Variants in POU2F1 observed in about 807,000 individuals in gnomAD.
POU2F1 encodes the protein POU domain, class 2, transcription factor 1.
In POU2F1, 16 loss-of-function variants were observed where a neutral mutation model predicts 84.9. The ratio of observed to expected loss-of-function variants is 0.19; its 90% CI spans 0.13 to 0.29. The LOEUF (loss-of-function observed/expected upper bound fraction) is 0.29. Among genes scored for constraint, POU2F1 ranks in the 10% least tolerant of loss-of-function variants. The probability of loss-of-function intolerance (pLI) is 1.00; values close to 1 mark genes in which losing one functional copy is unlikely to be tolerated. For missense variants in POU2F1, 738 were observed against 942.6 expected (o/e 0.78, Z 2.84); for synonymous variants, 368 against 368.3 (o/e 1.00, Z 0.01).
intron 9 of POU2F1, among the ~76,000 whole-genome samples, chr1:167,391,182 C>G (rs73026272): frequency 1.3e-5 from 2 of 152,104 alleles, no homozygotes; most frequent in Admixed American, 1.3e-4. Flanking sequence ...TCAATCAACC[C>G]TCCCGCCTTG....
chr1:167,384,058 C>G (rs111503970), intron 8 of POU2F1, 107 bp downstream of exon 8: 1 of 884,500 alleles, frequency 1.1e-6, no homozygotes, highest in African/African-American at 1.7e-5. Context: ...ATTCGGTCTT[C>G]GAAAACTGAC....
At chr1:167,343,863 G>A (rs73022279) in intron 2 of POU2F1, among the ~76,000 whole-genome samples, 13,382 of 151,654 alleles carry the variant, frequency 0.088, 1,888 homozygotes, top group African/African-American at 0.3. Context: ...GGTGCTTGCA[G>A]GTGAAGATGT....
chr1:167,234,714 A>G (rs931171555), intron 1 of POU2F1, among the ~76,000 whole-genome samples: 1 of 152,220 alleles, frequency 6.6e-6, no homozygotes, highest in African/African-American at 2.4e-5. Context: ...AGCCAGGATG[A>G]CAGAGCAATA....
intron 7 of POU2F1, 154 bp from the exon 8 acceptor site, chr1:167,383,703 T>A: frequency 1.7e-6 from 1 of 604,594 alleles, no homozygotes. Flanking sequence ...CAAGATTGAA[T>A]GTAAGGCAAA....
chr1:167,271,842 A>G (rs1208577633), intron 1 of POU2F1, among the ~76,000 whole-genome samples: 5 of 152,222 alleles, frequency 3.3e-5, no homozygotes, highest in Non-Finnish European at 7.3e-5. Context: ...CTGTTTTTGT[A>G]TGGCCCTTGA....
chr1:167,224,823 TTC>T (rs1557828232), intron 1 of POU2F1, among the ~76,000 whole-genome samples: 1 of 142,174 alleles, frequency 7.0e-6, no homozygotes, highest in African/African-American at 2.7e-5. Context: ...TGTCACTGTC[TTC>T]TTTTTTTTTT....
chr1:167,395,375 A>G (rs535340076), intron 9 of POU2F1, among the ~76,000 whole-genome samples: 38 of 152,184 alleles, frequency 2.5e-4, no homozygotes, highest in Non-Finnish European at 5.3e-4. Context: ...GTCTTTTAGA[A>G]TACCTGTTTT....
intron 2 of POU2F1, among the ~76,000 whole-genome samples, chr1:167,353,149 G>A (rs1658692207): frequency 6.6e-6 from 1 of 152,176 alleles, no homozygotes; most frequent in Non-Finnish European, 1.5e-5. Flanking sequence ...TGTCACTGGT[G>A]CTAACCTTGG....
At position 167,413,052 on chromosome 1, in the gene POU2F1, G is replaced by A. The variant is rs1225005046; in HGVS notation, c.1928G>A (p.Gly643Glu). The change falls in exon 15 of 16, where the codon GGG becomes GAG. Residue 643 changes from glycine (G) to glutamate (E), a missense_variant. By Grantham distance (98) the Gly-to-Glu change is moderately conservative. Transcript: ENST00000367866. ...AGGALLSLNP[G>E]TLSGALSPAL... The stretch of plus-strand genomic sequence containing the variant: ...GGTGCCTTACTCAGTCTGAATCCAG[G>A]GACCCTGAGCGGTGCTCTCAGCCCA... The A allele has an allele frequency of 6.2e-7, 1 of 1,614,084 alleles. No individual in the cohort carries two copies. The highest frequency in any genetic ancestry group is 1.7e-5 in the Admixed American group (1 of 60,008).
Position 167,421,249 on chromosome 1 carries a change from A to G in POU2F1, c.*5439A>G, listed in dbSNP as rs184029390. ...AAGAATAACTGAGATCAGCTATTATATAGGTTTGCATGGATGGTGTCCACA... is the reference window on the plus strand; with the variant it reads ...AAGAATAACTGAGATCAGCTATTATGTAGGTTTGCATGGATGGTGTCCACA... On this transcript the variant is annotated 3_prime_UTR_variant, in exon 16 of 16. Coordinates refer to ENST00000367866, the MANE Select transcript of POU2F1 (RefSeq NM_002697.4). 6.6e-6 allele frequency: 1 copy of G among 152,348 alleles called. No individual in the cohort carries two copies. The highest frequency in any genetic ancestry group is 2.4e-5 in the African/African-American group (1 of 41,570). 9.4% of individuals were successfully genotyped at this position (152,348 alleles called of 1,614,324 possible).
In POU2F1 at chr1:167,229,760, G is replaced by T. The variant is rs149291721; in HGVS notation, c.61+8802G>T. On this transcript the variant is annotated intron_variant, in intron 1 of 15. Coordinates refer to ENST00000367866, the MANE Select transcript of POU2F1 (RefSeq NM_002697.4). ...GAAGCTTTAGCAGCCGATGGATTCT[G>T]TGGGGCACCTGACTGTAGGTTGTTC... Among the ~76,000 whole-genome samples, 774 of 152,314 alleles carry T rather than the reference G, an allele frequency of 5.1e-3. 5 individuals are homozygous for T. Among genetic ancestry groups the T allele is most frequent in the African/African-American group, 0.016 (651 of 41,570 alleles).
chr1:167,250,710 G>A (rs1042872126), intron 1 of POU2F1, among the ~76,000 whole-genome samples: 1 of 152,146 alleles, frequency 6.6e-6, no homozygotes. Flanking sequence ...TCTAAAAGTG[G>A]TTTCTAGTAA....
intron 5 of POU2F1, among the ~76,000 whole-genome samples, chr1:167,373,837 G>A (rs1394621103): frequency 7.0e-6 from 1 of 143,752 alleles, no homozygotes; most frequent in Non-Finnish European, 1.5e-5. Context: ...TTTTTTTCTT[G>A]CTTACTAGTT....
chr1:167,420,166 G>A lies in POU2F1; in HGVS notation c.*4356G>A. 1 of 103,658 alleles carries A rather than the reference G, an allele frequency of 9.6e-6. No homozygotes were observed. The highest frequency in any genetic ancestry group is 4.2e-4 in the South Asian group (1 of 2,396). The allele number at this position is 103,658 out of a possible 1,614,324, so 6.4% of individuals were successfully genotyped here. A position where few individuals can be genotyped will look rare whatever the true frequency, so the allele number is the denominator to read the frequency against. On this transcript the variant is annotated 3_prime_UTR_variant, in exon 16 of 16. Transcript: ENST00000367866. ...ACATTGGCAAATATAGGGAATTCATGTCTTTTTTTTTTTTTTTTTTCTGGT... is the reference window on the plus strand; with the variant it reads ...ACATTGGCAAATATAGGGAATTCATATCTTTTTTTTTTTTTTTTTTCTGGT...
chr1:167,419,640 TTAAG>T lies in POU2F1; in HGVS notation c.*3832_*3835del, dbSNP rs1182510676. On this transcript the variant is annotated 3_prime_UTR_variant, in exon 16 of 16. Coordinates refer to ENST00000367866, the MANE Select transcript of POU2F1 (RefSeq NM_002697.4). ...AAAATAAGTTGAGTGCTGTATTAGT[TTAAG>T]TGTTTCTAAAGTTCTATAGGCAGCA... 4 of 152,230 alleles carry T rather than the reference TTAAG, an allele frequency of 2.6e-5. No homozygotes were observed. The highest frequency in any genetic ancestry group is 7.2e-5 in the African/African-American group (3 of 41,460). The allele number at this position is 152,230 out of a possible 1,614,324, so 9.4% of individuals were successfully genotyped here.
rs1033748949 is a variant in POU2F1, at chr1:167,384,568, C to G, written c.813+617C>G. On this transcript the variant is annotated intron_variant, in intron 8 of 15. Coordinates refer to ENST00000367866, the MANE Select transcript of POU2F1 (RefSeq NM_002697.4). ...GCTGATCCTGAATCTCCTTCCAGCTCTGACTTTCTTTGTCTGCAGTATGGA... is the reference window on the plus strand; with the variant it reads ...GCTGATCCTGAATCTCCTTCCAGCTGTGACTTTCTTTGTCTGCAGTATGGA... Among the ~76,000 whole-genome samples, 4 of 152,128 alleles carry G rather than the reference C, an allele frequency of 2.6e-5. No homozygotes were observed. In the South Asian group the frequency reaches 8.3e-4, roughly 32 times the overall value.
chr1:167,411,206 A>G (rs1273007420), intron 13 of POU2F1, among the ~76,000 whole-genome samples: 1 of 151,780 alleles, frequency 6.6e-6, no homozygotes, highest in Non-Finnish European at 1.5e-5. Flanking sequence ...CGCCCAGCTA[A>G]TTTTTGTATT....
intron 1 of POU2F1, among the ~76,000 whole-genome samples, chr1:167,245,706 C>G (rs1203854149): frequency 6.6e-6 from 1 of 151,994 alleles, no homozygotes; most frequent in African/African-American, 2.4e-5. Flanking sequence ...AGCCACCACA[C>G]CTGGCCCAGC....
intron 3 of POU2F1, among the ~76,000 whole-genome samples, chr1:167,368,834 T>G (rs537627072): frequency 4.6e-5 from 7 of 152,292 alleles, no homozygotes; most frequent in African/African-American, 1.7e-4. Context: ...ATACCAACAT[T>G]TATATTTAAT....
Sources: gnomAD v4.1 joint callset for allele counts (sites outside exome capture counted in the v4.1 genomes callset) on GRCh38, gnomAD v4.1.1 for gene constraint, MANE v1.5 for transcripts, NCBI Gene and HGNC (gene_info 2026-07-23, HGNC 2026-07-21) for gene names.